The following NGEF variants were observed in gnomAD, a reference collection of about 807,000 sequenced individuals.
The protein encoded by NGEF is neuronal guanine nucleotide exchange factor.
A neutral mutation model predicts 80.9 loss-of-function variants in NGEF; 31 were observed. The observed-to-expected ratio is 0.38, with a 90% CI of 0.29 to 0.52. The LOEUF is 0.52. Ranked by LOEUF, NGEF falls within the 20% of genes least tolerant of loss-of-function variation. The probability of loss-of-function intolerance (pLI) is 0.84; values close to 1 mark genes in which losing one functional copy is unlikely to be tolerated. For missense variants in NGEF, 709 were observed against 926.2 expected, an observed-to-expected ratio of 0.77 and a Z score of 3.04; for synonymous variants, 371 against 370.2, an observed-to-expected ratio of 1.00 and a Z score of -0.03.
At chr2:232,928,291 A>G in intron 3 of NGEF, 2 of 532,818 alleles carry the variant, frequency 3.8e-6, no homozygotes, top group African/African-American at 4.1e-5. Flanking sequence ...GGGCCCCGCG[A>G]GCGCCGACTG....
rs536486834 is a variant in NGEF, at chr2:232,976,099, G to A, written c.-74-1135C>T. On this transcript the variant is annotated intron_variant, in intron 1 of 14. Coordinates refer to ENST00000264051, the MANE Select transcript of NGEF (RefSeq NM_019850.3). Reference sequence around the variant, plus strand: ...GCCTGTAGTCCCAGCTTCTCGGGAGGCTGAGGCAGGAGAATCGCTTGAATC... The same window carrying A: ...GCCTGTAGTCCCAGCTTCTCGGGAGACTGAGGCAGGAGAATCGCTTGAATC... 1.2e-4 allele frequency among the ~76,000 whole-genome samples: 19 copies of A among 152,238 alleles called. No individual in the cohort carries two copies. In the South Asian group the frequency reaches 2.9e-3, roughly 23 times the overall value.
intron 3 of NGEF, among the ~76,000 whole-genome samples, chr2:232,928,779 C>G (rs142003403): frequency 6.6e-6 from 1 of 152,186 alleles, no homozygotes; most frequent in Non-Finnish European, 1.5e-5. Flanking sequence ...TTCGGGGGCA[C>G]CAGAGGAGGA....
intron 9 of NGEF, 52 bp downstream of exon 9, chr2:232,887,981 G>A: frequency 7.1e-7 from 1 of 1,408,060 alleles, no homozygotes; most frequent in South Asian, 1.2e-5. Flanking sequence ...AGGTGTGCCT[G>A]GATGAGGAAA....
intron 3 of NGEF, among the ~76,000 whole-genome samples, chr2:232,967,374 G>A (rs776763691): frequency 6.6e-6 from 1 of 151,868 alleles, no homozygotes; most frequent in African/African-American, 2.4e-5. Context: ...TCACTCTGTC[G>A]CCCAGGCTGG....
At chr2:232,947,523 G>A (rs879731446) in intron 3 of NGEF, among the ~76,000 whole-genome samples, 6 of 152,106 alleles carry the variant, frequency 3.9e-5, no homozygotes, top group Non-Finnish European at 8.8e-5. Context: ...GAATTTTCAC[G>A]AGATCTGGTG....
chr2:232,898,970 G>T (rs546376490), intron 5 of NGEF, among the ~76,000 whole-genome samples: 1 of 151,234 alleles, frequency 6.6e-6, no homozygotes, highest in African/African-American at 2.5e-5. Flanking sequence ...GTGTGTGAAT[G>T]CATGTGTGTG....
At chr2:232,928,204 G>A (rs1307907152) in intron 3 of NGEF, 1 of 975,068 alleles carries the variant, frequency 1.0e-6, no homozygotes, top group Admixed American at 6.4e-5. Flanking sequence ...CGGCAACGAG[G>A]GAGGCGGGAG....
chr2:232,928,105 G>A, intron 3 of NGEF: 2 of 1,052,966 alleles, frequency 1.9e-6, no homozygotes, highest in Non-Finnish European at 2.3e-6. Flanking sequence ...CGCAGCGCGC[G>A]CGGCTCGACC....
At chr2:232,985,007 C>A (rs960333656) in intron 1 of NGEF, among the ~76,000 whole-genome samples, 1 of 152,058 alleles carries the variant, frequency 6.6e-6, no homozygotes, top group African/African-American at 2.4e-5. Context: ...GGGGACAGCT[C>A]TCAGGATCCC....
At chr2:232,956,327 C>G (rs1330706830) in intron 3 of NGEF, among the ~76,000 whole-genome samples, 2 of 152,016 alleles carry the variant, frequency 1.3e-5, no homozygotes, top group South Asian at 4.1e-4. Flanking sequence ...CTCCCCAGAG[C>G]CAGCCCATAA....
rs1417911371 is a variant in NGEF at position 232,906,842 on chromosome 2, A to G, written c.829-11926T>C. On this transcript the variant is annotated intron_variant, in intron 5 of 14. Coordinates refer to ENST00000264051, the MANE Select transcript of NGEF (RefSeq NM_019850.3). ...TTTCATTTTGTTCTGTACTAAGAAAAATTCTTCTGCCTTGGGATCCTGTTG... is the reference window on the plus strand; with the variant it reads ...TTTCATTTTGTTCTGTACTAAGAAAGATTCTTCTGCCTTGGGATCCTGTTG... Among the ~76,000 whole-genome samples, 3 of 151,840 alleles carry G rather than the reference A, an allele frequency of 2.0e-5. No homozygotes were observed. The East Asian group carries it at 5.8e-4, about 29-fold the overall frequency.
intron 8 of NGEF, chr2:232,891,124 G>C (rs988861616): frequency 3.3e-6 from 2 of 611,122 alleles, no homozygotes; most frequent in South Asian, 3.3e-5. Context: ...CCATTTGGCT[G>C]TCCCCAGGGC....
chr2:232,883,562 A>G, intron 11 of NGEF, 96 bp from the exon 12 acceptor site: 1 of 1,246,906 alleles, frequency 8.0e-7, no homozygotes, highest in Non-Finnish European at 1.1e-6. Context: ...GCCTGGCTCC[A>G]CAGCGCTGGC....
chr2:232,991,868 C>A (rs1694657233), intron 1 of NGEF, among the ~76,000 whole-genome samples: 1 of 152,174 alleles, frequency 6.6e-6, no homozygotes, highest in Non-Finnish European at 1.5e-5. Context: ...GTGGTACTGG[C>A]ACAGGATAGG....
chr2:232,910,585 G>A (rs1692671566), intron 5 of NGEF, among the ~76,000 whole-genome samples: 1 of 151,800 alleles, frequency 6.6e-6, no homozygotes, highest in African/African-American at 2.4e-5. Context: ...ACTGCTACGG[G>A]GCGGGGCTGC....
intron 5 of NGEF, among the ~76,000 whole-genome samples, chr2:232,906,907 T>A (rs1267273792): frequency 6.6e-6 from 1 of 151,488 alleles, no homozygotes; most frequent in Non-Finnish European, 1.5e-5. Context: ...CTCTGAAACA[T>A]GTGCTGTGTC....
intron 1 of NGEF, among the ~76,000 whole-genome samples, chr2:232,986,296 G>A (rs1694530108): frequency 6.6e-6 from 1 of 152,212 alleles, no homozygotes; most frequent in South Asian, 2.1e-4. Flanking sequence ...ATGGAAAACA[G>A]TATGGAGGTT....
intron 5 of NGEF, among the ~76,000 whole-genome samples, chr2:232,918,711 T>A (rs1322952167): frequency 6.7e-6 from 1 of 149,840 alleles, no homozygotes; most frequent in Non-Finnish European, 1.5e-5. Flanking sequence ...CTTGGCTCAC[T>A]GCAACCTCCC....
rs559941310 is a variant in NGEF at position 232,997,026 on chromosome 2, A to T, written c.-75+16042T>A. ...GTTTATGGAACTAGAATCATTCTGA[A>T]CGTTCTCTCTTGTGCCTGGCGTCCT... On this transcript the variant is annotated intron_variant, in intron 1 of 14. Transcript: ENST00000264051. 2.6e-3 allele frequency among the ~76,000 whole-genome samples: 395 copies of T among 152,284 alleles called. 1 individual carries two copies. The highest frequency in any genetic ancestry group is 4.4e-3 in the Non-Finnish European group (296 of 68,016).
Sources: allele counts gnomAD v4.1 joint callset (sites outside exome capture counted in the v4.1 genomes callset), GRCh38; gene constraint gnomAD v4.1.1; transcripts MANE v1.5; gene names NCBI Gene and HGNC (gene_info 2026-07-23, HGNC 2026-07-21).